Variants in CCDC7 observed in about 807,000 individuals in gnomAD.
CCDC7 encodes the protein coiled-coil domain-containing protein 7.
Under a neutral mutation model 196.9 loss-of-function variants are expected in CCDC7, and 183 were observed. That is an observed-to-expected ratio of 0.93 (90% CI 0.82 to 1.05). The LOEUF (loss-of-function observed/expected upper bound fraction) is 1.05, where lower values mean the gene tolerates loss of function less well. CCDC7 is among the 50% of genes least tolerant of loss of function. The probability of loss-of-function intolerance (pLI) is 0.00; values close to 1 mark genes in which losing one functional copy is unlikely to be tolerated. For missense variants in CCDC7, 1,540 were observed against 1,482.2 expected (o/e 1.04, Z -0.64); for synonymous variants, 525 against 484.6 (o/e 1.08, Z -1.10).
At position 32,674,081 on chromosome 10, in the gene CCDC7, C is replaced by G. The variant is rs546377853; in HGVS notation, c.2122+9920C>G. On this transcript the variant is annotated intron_variant, in intron 21 of 41. Coordinates refer to ENST00000639629, the Ensembl canonical transcript of CCDC7. ...GAACTCACATTTTCATCAATTTTTTCTATATTTTTTTCCTATTTTATTTAT... is the reference window on the plus strand; with the variant it reads ...GAACTCACATTTTCATCAATTTTTTGTATATTTTTTTCCTATTTTATTTAT... Among the ~76,000 whole-genome samples, 22 of 150,970 alleles carry G rather than the reference C, an allele frequency of 1.5e-4. No individual in the cohort carries two copies. In the East Asian group the frequency reaches 4.1e-3, roughly 28 times the overall value.
upstream of CCDC7, among the ~76,000 whole-genome samples, chr10:32,449,662 G>A (rs906693317): frequency 6.6e-6 from 1 of 152,120 alleles, no homozygotes; most frequent in Non-Finnish European, 1.5e-5. Context: ...GGGTGTATTT[G>A]TTTTCGAAGT....
intron 28 of CCDC7, among the ~76,000 whole-genome samples, chr10:32,761,297 G>A (rs2133855973): frequency 6.6e-6 from 1 of 152,002 alleles, no homozygotes; most frequent in East Asian, 1.9e-4. Context: ...ACTAATAAAG[G>A]AATAAAAGGG....
At chr10:32,494,828 C>A (rs2042666901) in intron 9 of CCDC7, among the ~76,000 whole-genome samples, 1 of 152,256 alleles carries the variant, frequency 6.6e-6, no homozygotes, top group East Asian at 1.9e-4. Flanking sequence ...CAAGTCTTTG[C>A]CATTGTGAAC....
intron 18 of CCDC7, among the ~76,000 whole-genome samples, chr10:32,632,615 C>T (rs1027673728): frequency 3.3e-5 from 5 of 152,108 alleles, no homozygotes; most frequent in Middle Eastern, 3.4e-3. Flanking sequence ...TAGCTGCATC[C>T]CATAGTTTTC....
At chr10:32,797,951 A>G (rs1414171156) in intron 29 of CCDC7, among the ~76,000 whole-genome samples, 1 of 152,196 alleles carries the variant, frequency 6.6e-6, no homozygotes, top group African/African-American at 2.4e-5. Context: ...TCAGGATGAT[A>G]GGGAACATGG....
At chr10:32,465,194 A>G (rs567355643) in intron 5 of CCDC7, among the ~76,000 whole-genome samples, 1 of 151,640 alleles carries the variant, frequency 6.6e-6, no homozygotes, top group South Asian at 2.1e-4. Flanking sequence ...GTAAGAGACA[A>G]CTAAGGTTAT....
At chr10:32,732,829 A>G (rs1379744573) in intron 28 of CCDC7, among the ~76,000 whole-genome samples, 1 of 152,128 alleles carries the variant, frequency 6.6e-6, no homozygotes, top group Non-Finnish European at 1.5e-5. Flanking sequence ...AGATATTAAC[A>G]TAGCATCTTT....
intron 28 of CCDC7, among the ~76,000 whole-genome samples, chr10:32,738,975 A>G (rs1401061751): frequency 1.3e-5 from 2 of 152,088 alleles, no homozygotes; most frequent in Non-Finnish European, 2.9e-5. Flanking sequence ...TTGTCTGGAT[A>G]CAGGTTCTAG....
At chr10:32,482,397 T>A (rs1429847870) in intron 8 of CCDC7, among the ~76,000 whole-genome samples, 1 of 151,980 alleles carries the variant, frequency 6.6e-6, no homozygotes, top group Non-Finnish European at 1.5e-5. Context: ...TAACTTTCTT[T>A]AAGTTTACAG....
At chr10:32,797,444 A>G (rs1460550356) in intron 29 of CCDC7, among the ~76,000 whole-genome samples, 2 of 152,028 alleles carry the variant, frequency 1.3e-5, no homozygotes, top group African/African-American at 2.4e-5. Flanking sequence ...GTTCTCACTC[A>G]TAAGTGGGAG....
chr10:32,710,273 G>T (rs765796104), intron 24 of CCDC7, among the ~76,000 whole-genome samples: 1 of 152,154 alleles, frequency 6.6e-6, no homozygotes, highest in Non-Finnish European at 1.5e-5. Context: ...CTCTCCATTC[G>T]TTTTATTTAA....
intron 21 of CCDC7, among the ~76,000 whole-genome samples, chr10:32,684,455 GCACT>G (rs2076235376): frequency 6.6e-6 from 1 of 152,090 alleles, no homozygotes; most frequent in Admixed American, 6.5e-5. Context: ...GGGCTCTCAA[GCACT>G]CACTCTTTCC....
At chr10:32,705,805 C>G (rs2079630847) in intron 24 of CCDC7, among the ~76,000 whole-genome samples, 1 of 151,968 alleles carries the variant, frequency 6.6e-6, no homozygotes, top group South Asian at 2.1e-4. Flanking sequence ...ACAGGAGCAC[C>G]CAGATTCATA....
At chr10:32,550,159 T>C (rs542832571) in intron 13 of CCDC7, among the ~76,000 whole-genome samples, 54 of 152,132 alleles carry the variant, frequency 3.5e-4, no homozygotes, top group African/African-American at 1.3e-3. Flanking sequence ...TTAAGTTTTT[T>C]TTTTTTTTCA....
chr10:32,820,629 T>C (rs1271764162), intron 31 of CCDC7, among the ~76,000 whole-genome samples: 2 of 152,062 alleles, frequency 1.3e-5, no homozygotes, highest in Non-Finnish European at 2.9e-5. Flanking sequence ...TATAGACCAA[T>C]GGAACAGGAC....
intron 8 of CCDC7, among the ~76,000 whole-genome samples, chr10:32,476,334 A>G (rs1459348097): frequency 1.3e-5 from 2 of 152,166 alleles, no homozygotes; most frequent in African/African-American, 4.8e-5. Context: ...TTACCTAACA[A>G]TGTACAGTTA....
rs192895123 is a variant in CCDC7, at chr10:32,875,565, G to A, written c.4112-782G>A. ...TGTATCATATCTTGAAAGTCTTTCCGTATCAGCACATCCAAATCAATCAAA... is the reference window on the plus strand; with the variant it reads ...TGTATCATATCTTGAAAGTCTTTCCATATCAGCACATCCAAATCAATCAAA... On this transcript the variant is annotated intron_variant, in intron 41 of 41. Coordinates refer to ENST00000639629, the Ensembl canonical transcript of CCDC7. 3.6e-4 allele frequency among the ~76,000 whole-genome samples: 55 copies of A among 151,880 alleles called. 1 individual carries two copies. Among genetic ancestry groups the A allele is most frequent in the African/African-American group, 1.0e-3 (42 of 41,458 alleles).
chr10:32,636,494 T>G (rs1331087322), intron 20 of CCDC7, among the ~76,000 whole-genome samples: 2 of 152,186 alleles, frequency 1.3e-5, no homozygotes, highest in Admixed American at 6.5e-5. Context: ...TTTTTTGTCC[T>G]TGCGATAGTT....
intron 24 of CCDC7, among the ~76,000 whole-genome samples, chr10:32,701,822 T>C (rs1006878843): frequency 2.6e-5 from 4 of 152,180 alleles, no homozygotes; most frequent in Non-Finnish European, 5.9e-5. Flanking sequence ...TTTATAGTAT[T>C]CTCTGATGGT....
Sources: gnomAD v4.1 joint callset for allele counts (sites outside exome capture counted in the v4.1 genomes callset) on GRCh38, gnomAD v4.1.1 for gene constraint, MANE v1.5 for transcripts, NCBI Gene and HGNC (gene_info 2026-07-23, HGNC 2026-07-21) for gene names.